GPR153: variants seen among roughly 807,000 people sequenced by gnomAD.
The protein encoded by GPR153 is G protein-coupled receptor 153.
A neutral mutation model predicts 34.1 loss-of-function variants in GPR153; 27 were observed. That is an observed-to-expected ratio of 0.79 (90% CI 0.58 to 1.09). The LOEUF (loss-of-function observed/expected upper bound fraction) is 1.09. Among genes scored for constraint, GPR153 ranks in the 50% least tolerant of loss-of-function variants. The probability of loss-of-function intolerance (pLI) is 0.00; values close to 1 mark genes in which losing one functional copy is unlikely to be tolerated. For synonymous variants in GPR153, 408 were observed against 405.4 expected (o/e 1.01, Z -0.08); for missense variants, 848 against 860.2 (o/e 0.99, Z 0.18).
intron 1 of GPR153, among the ~76,000 whole-genome samples, chr1:6,259,402 G>A (rs1052729637): frequency 3.3e-5 from 5 of 152,088 alleles, no homozygotes; most frequent in Admixed American, 6.5e-5. Context: ...AAAGCTGTTT[G>A]CCCGGCCAGC....
rs1373485202 is a variant in GPR153 at position 6,247,579 on chromosome 1, G to T, written c.*1759C>A. 6.6e-6 allele frequency: 1 copy of T among 152,234 alleles called. No homozygotes were observed. The highest frequency in any genetic ancestry group is 1.5e-5 in the Non-Finnish European group (1 of 68,048). The allele number at this position is 152,234 out of a possible 1,614,324, so 9.4% of individuals were successfully genotyped here. ...TATGTTTGTAAAAACCGCAGGATTG[G>T]AGTATTTAGAGGACTCTGTCCCCCT... On this transcript the variant is annotated 3_prime_UTR_variant, in exon 6 of 6. Coordinates refer to ENST00000377893, the MANE Select transcript of GPR153 (RefSeq NM_207370.4).
At position 6,248,694 on chromosome 1, in the gene GPR153, C is replaced by T. The variant is rs1638356234; in HGVS notation, c.*644G>A. 1 of 152,348 alleles carries T rather than the reference C, an allele frequency of 6.6e-6. No individual in the cohort carries two copies. The highest frequency in any genetic ancestry group is 1.5e-5 in the Non-Finnish European group (1 of 68,144). 9.4% of individuals were successfully genotyped at this position (152,348 alleles called of 1,614,324 possible). Reference sequence around the variant, plus strand: ...GACTACCTCTCACACCTGGGCCACTCAGTGGCGAGGGCCTACAACCAAGAG... The same window carrying T: ...GACTACCTCTCACACCTGGGCCACTTAGTGGCGAGGGCCTACAACCAAGAG... On this transcript the variant is annotated 3_prime_UTR_variant, in exon 6 of 6. Coordinates refer to ENST00000377893, the MANE Select transcript of GPR153 (RefSeq NM_207370.4).
rs917287452 is a variant in GPR153 at position 6,250,548 on chromosome 1, A to G, written c.1056T>C (p.Phe352=). Residue 352 remains phenylalanine, a synonymous_variant, in exon 5 of 6, where the codon TTT becomes TTC. Transcript: ENST00000377893. ...ACTTGGCCATCCTATCTAGGGCCAC[A>G]AAATCACCTCCATAGCCATAGTCCA... ...RSLDYGYGGD[F]VALDRMAKYE... is the part of the protein sequence containing the mutation. 2.9e-5 allele frequency: 47 copies of G among 1,601,524 alleles called. No homozygotes were observed. The highest frequency in any genetic ancestry group is 4.0e-5 in the Non-Finnish European group (47 of 1,174,584).
chr1:6,250,350 C>T (rs537815720), intron 5 of GPR153, 90 bp downstream of exon 5: 40 of 1,468,414 alleles, frequency 2.7e-5, no homozygotes, highest in Middle Eastern at 2.5e-4. Flanking sequence ...CTGCAGAAGG[C>T]GTGAGATGGG....
At position 6,254,830 on chromosome 1, in the gene GPR153, C is replaced by T; in HGVS notation, c.76G>A (p.Ala26Thr). ...VCGGLSLLAN[A>T]WGILSVGAKQ... ...GCGCCAACGCTGAGGATGCCCCAGG[C>T]ATTGGCCAGCAGGGAGAGGCCCCCA... is the stretch of plus-strand genomic sequence containing the variant. Residue 26 changes from alanine to threonine, a missense_variant, in exon 2 of 6, where the codon GCC becomes ACC. By Grantham distance (58) the Ala-to-Thr change is moderately conservative (BLOSUM62 0). Transcript: ENST00000377893. The T allele has an allele frequency of 6.2e-7, 1 of 1,610,958 alleles. No individual in the cohort carries two copies. The highest frequency in any genetic ancestry group is 8.5e-7 in the Non-Finnish European group (1 of 1,178,806).
chr1:6,260,037 G>A (rs1271264688), intron 1 of GPR153, among the ~76,000 whole-genome samples: 1 of 152,178 alleles, frequency 6.6e-6, no homozygotes. Flanking sequence ...AACTGCAGGT[G>A]CAACTAGCCT....
chr1:6,253,878 CG>C lies in GPR153; in HGVS notation c.625del (p.Arg209AlafsTer38). On this transcript the variant is annotated frameshift_variant, in exon 3 of 6. Coordinates refer to ENST00000377893, the MANE Select transcript of GPR153 (RefSeq NM_207370.4). LOFTEE classifies it high-confidence loss of function. Reference protein sequence around the residue: ...LAVQVGRQADRRAFTVPTIVV... With the variant: ...LAVQVGRQADXRAFTVPTIVV... ...GATGGTGGGCACGGTGAAGGCGCGG[CG>C]GTCGGCCTGGCGCCCCACCTGCACG... 1 of 1,606,006 alleles carries C rather than the reference CG, an allele frequency of 6.2e-7. No individual in the cohort carries two copies. Among genetic ancestry groups the C allele is most frequent in the Middle Eastern group, 1.7e-4 (1 of 6,030 alleles).
chr1:6,249,438 G>C lies in GPR153; in HGVS notation c.1730C>G (p.Ala577Gly), dbSNP rs1382633705. ...GCTGGTGCTGCCGCCGCCGCCCGCC[G>C]CGCGCAGCCCCCCGGGCTCGCCCCA... ...ASWGEPGGLR[A>G]AGGGGSTSSF... Residue 577 changes from alanine (A) to glycine (G), a missense_variant, in exon 6 of 6, where the codon GCG becomes GGG. Transcript: ENST00000377893. The surrounding 1 kb of genome is among the most constrained non-coding windows in gnomAD (Gnocchi z 4.3). The C allele has an allele frequency of 2.2e-6, 3 of 1,364,376 alleles. No homozygotes were observed. In the East Asian group the frequency reaches 9.3e-5, roughly 42 times the overall value. 84.5% of individuals were successfully genotyped at this position (1,364,376 alleles called of 1,614,324 possible).
chr1:6,257,311 C>T (rs920797538), intron 1 of GPR153, among the ~76,000 whole-genome samples: 11 of 152,226 alleles, frequency 7.2e-5, no homozygotes, highest in Non-Finnish European at 4.4e-5. Flanking sequence ...CCTCCATTTC[C>T]CTCTCCTGTT....
intron 1 of GPR153, among the ~76,000 whole-genome samples, chr1:6,256,329 GA>G (rs564075669): frequency 5.9e-4 from 85 of 144,610 alleles, no homozygotes; most frequent in African/African-American, 1.9e-3. Flanking sequence ...TTTCTTTTTT[GA>G]AAAAAAAAAT....
rs1165982254 is a variant in GPR153, at chr1:6,247,426, G to T, written c.*1912C>A. On this transcript the variant is annotated 3_prime_UTR_variant, in exon 6 of 6. Coordinates refer to ENST00000377893, the MANE Select transcript of GPR153 (RefSeq NM_207370.4). ...CTCCGTTGTCAAAAAACTACAAAGG[G>T]ATCCCTGGCTCTGGGTGTGCTATGA... The T allele has an allele frequency of 6.6e-6, 1 of 152,184 alleles. No individual in the cohort carries two copies. The highest frequency in any genetic ancestry group is 2.4e-5 in the African/African-American group (1 of 41,432). 9.4% of individuals were successfully genotyped at this position (152,184 alleles called of 1,614,324 possible). A position where few individuals can be genotyped will look rare whatever the true frequency, so the allele number is the denominator to read the frequency against.
rs1638456199 is a variant in GPR153, at chr1:6,251,851, A to C, written c.787-321T>G. ...CATTCTGTCACCCAGGCTGGAGTGC[A>C]GTGGCTCAATCATGGCTCACTGCAG... On this transcript the variant is annotated intron_variant, in intron 3 of 5. Transcript: ENST00000377893. This position sits in a 1 kb window ranked among gnomAD's most constrained non-coding sequence, Gnocchi z 4.9. 6.6e-6 allele frequency among the ~76,000 whole-genome samples: 1 copy of C among 152,168 alleles called. No individual in the cohort carries two copies. The highest frequency in any genetic ancestry group is 6.5e-5 in the Admixed American group (1 of 15,278).
In GPR153 at chr1:6,249,452, G is replaced by T. The variant is rs1638382464; in HGVS notation, c.1716C>A (p.Pro572=). The part of the protein sequence containing the change: ...RPGLSASWGE[P]GGLRAAGGGG... ...CGCCGCCCGCCGCGCGCAGCCCCCC[G>T]GGCTCGCCCCACGACGCGCTCAGGC... Residue 572 remains proline (P), a synonymous_variant, in exon 6 of 6, where the codon CCC becomes CCA. Coordinates refer to ENST00000377893, the MANE Select transcript of GPR153 (RefSeq NM_207370.4). The surrounding 1 kb of genome is among the most constrained non-coding windows in gnomAD (Gnocchi z 4.3). The T allele has an allele frequency of 5.2e-6, 7 of 1,350,456 alleles. No homozygotes were observed. Among genetic ancestry groups the T allele is most frequent in the South Asian group, 1.8e-5 (1 of 54,510 alleles). 83.7% of individuals were successfully genotyped at this position (1,350,456 alleles called of 1,614,324 possible). A position where few individuals can be genotyped will look rare whatever the true frequency, so the allele number is the denominator to read the frequency against.
chr1:6,250,145 T>C (rs1638409176), intron 5 of GPR153, 142 bp from the exon 6 acceptor site: 50 of 1,345,612 alleles, frequency 3.7e-5, no homozygotes, highest in Non-Finnish European at 4.8e-5. Context: ...CTGTGAGGTT[T>C]GGTGCAGTCT....
intron 1 of GPR153, among the ~76,000 whole-genome samples, chr1:6,256,983 G>A (rs1032274345): frequency 6.6e-6 from 1 of 152,178 alleles, no homozygotes; most frequent in African/African-American, 2.4e-5. Context: ...TGACACCCAG[G>A]GGCTGTATAC....
At position 6,249,850 on chromosome 1, in the gene GPR153, G is replaced by C. The variant is rs1399031150; in HGVS notation, c.1318C>G (p.Leu440Val). The part of the protein sequence containing the change: ...PAGPERRRAS[L>V]LAFAEDAPPS... Reference sequence around the variant, plus strand: ...GGTGCGTCCTCCGCGAAGGCCAGGAGGCTGGCGCGGCGCCGCTCGGGCCCG... The same window carrying C: ...GGTGCGTCCTCCGCGAAGGCCAGGACGCTGGCGCGGCGCCGCTCGGGCCCG... Residue 440 changes from leucine (L) to valine (V), a missense_variant, in exon 6 of 6, where the codon CTC becomes GTC. Coordinates refer to ENST00000377893, the MANE Select transcript of GPR153 (RefSeq NM_207370.4). The surrounding 1 kb of genome is among the most constrained non-coding windows in gnomAD (Gnocchi z 4.3). The C allele has an allele frequency of 1.6e-6, 2 of 1,263,404 alleles. No homozygotes were observed. The highest frequency in any genetic ancestry group is 3.1e-5 in the African/African-American group (2 of 63,794). 78.3% of individuals were successfully genotyped at this position (1,263,404 alleles called of 1,614,324 possible).
Position 6,249,902 on chromosome 1 carries a change from G to A in GPR153, c.1266C>T (p.Ala422=). ...LPRWGSGEDL[A]ALAHLVLPAG... is the part of the protein sequence containing the mutation. ...CAGGCAGCACCAGGTGCGCCAGGGCGGCCAGGTCCTCGCCGGAGCCCCAGC... is the reference window on the plus strand; with the variant it reads ...CAGGCAGCACCAGGTGCGCCAGGGCAGCCAGGTCCTCGCCGGAGCCCCAGC... The change falls in exon 6 of 6, where the codon GCC becomes GCT. Residue 422 remains alanine, a synonymous_variant. Coordinates refer to ENST00000377893, the MANE Select transcript of GPR153 (RefSeq NM_207370.4). This position sits in a 1 kb window ranked among gnomAD's most constrained non-coding sequence, Gnocchi z 4.3. 2 of 1,292,898 alleles carry A rather than the reference G, an allele frequency of 1.5e-6. No homozygotes were observed. The highest frequency in any genetic ancestry group is 2.7e-5 in the South Asian group (1 of 36,456). The allele number at this position is 1,292,898 out of a possible 1,614,324, so 80.1% of individuals were successfully genotyped here.
rs146300967 is a variant in GPR153, at chr1:6,259,757, C to T, written c.-110+1068G>A. On this transcript the variant is annotated intron_variant, in intron 1 of 5. Transcript: ENST00000377893. The stretch of plus-strand genomic sequence containing the variant: ...TGACAGAGGACTGGTTGTGTGGGAA[C>T]AAAGTGTCCCTCTGGCTCTGGGTCA... Among the ~76,000 whole-genome samples the T allele has an allele frequency of 5.2e-4, 79 of 152,272 alleles. 1 individual carries two copies. The highest frequency in any genetic ancestry group is 1.9e-3 in the African/African-American group (77 of 41,558).
chr1:6,256,006 G>T (rs1448952785), intron 1 of GPR153, among the ~76,000 whole-genome samples: 1 of 152,156 alleles, frequency 6.6e-6, no homozygotes, highest in Non-Finnish European at 1.5e-5. Context: ...TGTTGCCCAG[G>T]TTGGTCTCAA....
Sources: allele counts gnomAD v4.1 joint callset (sites outside exome capture counted in the v4.1 genomes callset), GRCh38; gene constraint gnomAD v4.1.1; non-coding constraint Gnocchi (gnomAD v3.1); transcripts MANE v1.5; gene names NCBI Gene and HGNC (gene_info 2026-07-23, HGNC 2026-07-21).